Variants in ANKS1B observed in about 807,000 individuals in gnomAD.
ANKS1B encodes ankyrin repeat and sterile alpha motif domain containing 1B.
In ANKS1B, 36 loss-of-function variants were observed where a neutral mutation model predicts 148.3. That is an observed-to-expected ratio of 0.24 (90% CI 0.19 to 0.32). The LOEUF (loss-of-function observed/expected upper bound fraction) is 0.32, where lower values mean the gene tolerates loss of function less well. Among genes scored for constraint, ANKS1B ranks in the 10% least tolerant of loss-of-function variants. ANKS1B has a pLI of 1.00. For missense variants in ANKS1B, 1,157 were observed against 1,542.6 expected (o/e 0.75, Z 4.19); for synonymous variants, 542 against 560.8 (o/e 0.97, Z 0.47).
chr12:99,154,996 G>A, intron 14 of ANKS1B: 2 of 1,535,410 alleles, frequency 1.3e-6, no homozygotes, highest in Non-Finnish European at 1.7e-6. Flanking sequence ...CTTGAATGAT[G>A]AGAGCAGTCA....
At chr12:98,998,548 C>A (rs1411633649) in intron 17 of ANKS1B, among the ~76,000 whole-genome samples, 1 of 152,088 alleles carries the variant, frequency 6.6e-6, no homozygotes, top group Admixed American at 6.6e-5. Context: ...ATATGAGGGA[C>A]ATTGACAAAT....
intron 17 of ANKS1B, among the ~76,000 whole-genome samples, chr12:98,868,699 G>A (rs1481889906): frequency 6.6e-6 from 1 of 152,230 alleles, no homozygotes; most frequent in East Asian, 1.9e-4. Context: ...GAATGACATT[G>A]CTAACACACT....
At chr12:99,216,202 C>A (rs750814963) in intron 14 of ANKS1B, among the ~76,000 whole-genome samples, 51 of 152,168 alleles carry the variant, frequency 3.4e-4, no homozygotes, top group Non-Finnish European at 6.8e-4. Context: ...GCCTCCCCAG[C>A]TATGTGGAAC....
intron 12 of ANKS1B, among the ~76,000 whole-genome samples, chr12:99,323,510 C>T (rs373647343): frequency 5.9e-5 from 9 of 152,130 alleles, no homozygotes; most frequent in East Asian, 3.9e-4. Flanking sequence ...GACTGGAATG[C>T]TTTTCATGCA....
intron 17 of ANKS1B, among the ~76,000 whole-genome samples, chr12:98,907,514 G>T (rs12425690): frequency 6.6e-6 from 1 of 151,946 alleles, no homozygotes; most frequent in African/African-American, 2.4e-5. Flanking sequence ...GGCAGGGGGA[G>T]GAAAGAGACC....
At chr12:99,787,366 G>T (rs1181741767) in intron 4 of ANKS1B, among the ~76,000 whole-genome samples, 1 of 152,108 alleles carries the variant, frequency 6.6e-6, no homozygotes, top group East Asian at 1.9e-4. Context: ...ATGTGACTTT[G>T]CTCCTCCTTC....
intron 8 of ANKS1B, among the ~76,000 whole-genome samples, chr12:99,681,953 G>A (rs1257849758): frequency 2.0e-5 from 3 of 152,094 alleles, no homozygotes; most frequent in Non-Finnish European, 2.9e-5. Flanking sequence ...CACCAAAAGC[G>A]AGCAGGAGTA....
intron 17 of ANKS1B, among the ~76,000 whole-genome samples, chr12:98,876,558 C>T (rs973380847): frequency 3.9e-5 from 6 of 152,188 alleles, no homozygotes; most frequent in African/African-American, 1.4e-4. Context: ...TAGCACCATA[C>T]CTGGCCCAGA....
At chr12:99,274,466 A>G (rs2077442005) in intron 12 of ANKS1B, among the ~76,000 whole-genome samples, 1 of 152,206 alleles carries the variant, frequency 6.6e-6, no homozygotes, top group African/African-American at 2.4e-5. Flanking sequence ...CAGAATTGCC[A>G]GACATTCTGC....
At chr12:99,907,441 C>G (rs1459822030) in intron 1 of ANKS1B, among the ~76,000 whole-genome samples, 2 of 152,106 alleles carry the variant, frequency 1.3e-5, no homozygotes, top group Non-Finnish European at 1.5e-5. Context: ...ATGATCAGAC[C>G]AGTGATAGCA....
intron 1 of ANKS1B, among the ~76,000 whole-genome samples, chr12:99,887,286 G>A (rs2092874106): frequency 6.6e-6 from 1 of 152,140 alleles, no homozygotes; most frequent in Admixed American, 6.6e-5. Flanking sequence ...TGCTGTAAGT[G>A]TAAAATACAC....
At chr12:99,688,891 AAAGAG>A (rs2098664445) in intron 8 of ANKS1B, among the ~76,000 whole-genome samples, 1 of 152,104 alleles carries the variant, frequency 6.6e-6, no homozygotes, top group Admixed American at 6.6e-5. Flanking sequence ...AAAAAAAAAA[AAAGAG>A]AGAAAATGCA....
chr12:99,812,542 CACACACACACACACACAGAGAG>C (rs1463292903), intron 2 of ANKS1B, among the ~76,000 whole-genome samples: 1 of 94,732 alleles, frequency 1.1e-5, no homozygotes, highest in Non-Finnish European at 2.1e-5. Context: ...CACACACACA[CACACACACACACACACAGAGAG>C]AGAGAGAGAG....
intron 14 of ANKS1B, among the ~76,000 whole-genome samples, chr12:99,209,993 G>T (rs10860404): frequency 6.6e-6 from 1 of 151,994 alleles, no homozygotes; most frequent in East Asian, 1.9e-4. Context: ...CTGTGATAAA[G>T]CTCTCTCACC....
intron 1 of ANKS1B, among the ~76,000 whole-genome samples, chr12:99,940,668 T>C (rs996350849): frequency 3.9e-5 from 6 of 152,166 alleles, no homozygotes; most frequent in African/African-American, 1.4e-4. Flanking sequence ...ATGAGAAAGA[T>C]ACTAAGATAC....
chr12:99,678,588 G>A (rs571096021), intron 8 of ANKS1B, among the ~76,000 whole-genome samples: 1 of 152,062 alleles, frequency 6.6e-6, no homozygotes, highest in East Asian at 1.9e-4. Context: ...CTGTAGTGTT[G>A]GGCTAAGTAC....
intron 11 of ANKS1B, among the ~76,000 whole-genome samples, 167 bp downstream of exon 11, chr12:99,443,506 C>T (rs1654748653): frequency 6.6e-6 from 1 of 151,944 alleles, no homozygotes; most frequent in African/African-American, 2.4e-5. Flanking sequence ...GTGTTTATCA[C>T]CAACTTGAAA....
At chr12:99,254,483 T>C (rs2075025959) in intron 12 of ANKS1B, among the ~76,000 whole-genome samples, 1 of 152,218 alleles carries the variant, frequency 6.6e-6, no homozygotes, top group African/African-American at 2.4e-5. Flanking sequence ...CTGTAGGAAC[T>C]GGCACGCTAT....
At chr12:99,377,347 T>C (rs749501876) in intron 12 of ANKS1B, among the ~76,000 whole-genome samples, 6 of 152,144 alleles carry the variant, frequency 3.9e-5, no homozygotes, top group Non-Finnish European at 8.8e-5. Flanking sequence ...CTTCAGCATA[T>C]CATTCTTGAA....
Sources: allele counts gnomAD v4.1 joint callset (sites outside exome capture counted in the v4.1 genomes callset), GRCh38; gene constraint gnomAD v4.1.1; transcripts MANE v1.5; gene names NCBI Gene and HGNC (gene_info 2026-07-23, HGNC 2026-07-21).